STEAP1B: variants seen among roughly 807,000 people sequenced by gnomAD.
The protein encoded by STEAP1B is STEAP family protein MGC87042.
Under a neutral mutation model 27.9 loss-of-function variants are expected in STEAP1B, and 13 were observed. That is an observed-to-expected ratio of 0.47 (90% confidence interval 0.30 to 0.74). The LOEUF is 0.74. STEAP1B is among the 30% of genes least tolerant of loss of function. STEAP1B has a pLI of 0.06. For synonymous variants in STEAP1B, 86 were observed against 107.1 expected, an observed-to-expected ratio of 0.80 and a Z score of 1.22; for missense variants, 250 against 298.7, an observed-to-expected ratio of 0.84 and a Z score of 1.20.
chr7:22,468,967 T>C (rs1036993875), intron 4 of STEAP1B, among the ~76,000 whole-genome samples: 18 of 152,270 alleles, frequency 1.2e-4, no homozygotes, highest in Non-Finnish European at 2.2e-4. Context: ...TTTATTATCC[T>C]ATACTTTTTA....
intron 4 of STEAP1B, among the ~76,000 whole-genome samples, chr7:22,492,211 C>T (rs1411403920): frequency 6.7e-6 from 1 of 149,546 alleles, no homozygotes; most frequent in Non-Finnish European, 1.5e-5. Context: ...CCCAGCTACT[C>T]AGGAGGCTGA....
intron 1 of STEAP1B, among the ~76,000 whole-genome samples, chr7:22,496,003 T>C (rs1363423965): frequency 6.6e-5 from 10 of 151,854 alleles, no homozygotes; most frequent in Non-Finnish European, 1.5e-4. Flanking sequence ...CTTCAGGAGG[T>C]CTTCCAGAAG....
At chr7:22,499,143 G>C (rs73685812) in intron 1 of STEAP1B, among the ~76,000 whole-genome samples, 16,182 of 152,192 alleles carry the variant, frequency 0.11, 1,063 homozygotes, top group African/African-American at 0.17. Flanking sequence ...TCTTTCACCC[G>C]CTTTTAAAAA....
At chr7:22,423,215 TTAAAA>T (rs1785065209) in intron 4 of STEAP1B, among the ~76,000 whole-genome samples, 1 of 152,212 alleles carries the variant, frequency 6.6e-6, no homozygotes, top group Non-Finnish European at 1.5e-5. Context: ...TGGCTGTTTC[TTAAAA>T]CGTTAAGCAT....
At chr7:22,443,274 C>T (rs902108639) in intron 4 of STEAP1B, among the ~76,000 whole-genome samples, 3 of 152,200 alleles carry the variant, frequency 2.0e-5, no homozygotes, top group Non-Finnish European at 4.4e-5. Context: ...ATCCTAGTAT[C>T]ATGTTCTTTG....
At chr7:22,482,660 G>A (rs1786103211) in intron 4 of STEAP1B, among the ~76,000 whole-genome samples, 1 of 152,192 alleles carries the variant, frequency 6.6e-6, no homozygotes, top group South Asian at 2.1e-4. Flanking sequence ...GCTGTTCATG[G>A]GCAAAGGAAG....
chr7:22,450,599 G>GTTT (rs143262366), intron 4 of STEAP1B, among the ~76,000 whole-genome samples: 4 of 138,672 alleles, frequency 2.9e-5, no homozygotes, highest in African/African-American at 5.3e-5. Context: ...CTGTAGTTTT[G>GTTT]TTTTTTTTTT....
intron 4 of STEAP1B, among the ~76,000 whole-genome samples, chr7:22,430,914 T>G (rs1785179326): frequency 6.6e-6 from 1 of 152,246 alleles, no homozygotes; most frequent in Non-Finnish European, 1.5e-5. Context: ...TCAGCGTCTC[T>G]CTGCCATCAG....
chr7:22,486,258 G>T (rs904667347), intron 4 of STEAP1B, among the ~76,000 whole-genome samples: 1 of 152,168 alleles, frequency 6.6e-6, no homozygotes, highest in Non-Finnish European at 1.5e-5. Flanking sequence ...TCTAACAGCC[G>T]CTGAAGGAAA....
chr7:22,425,656 A>T (rs2686494), intron 4 of STEAP1B, among the ~76,000 whole-genome samples: 114,487 of 152,168 alleles, frequency 0.75, 43,655 homozygotes, highest in East Asian at 0.86. Flanking sequence ...AATAACTTTT[A>T]AAAAATCTTC....
chr7:22,477,781 G>A (rs765301880), intron 4 of STEAP1B, among the ~76,000 whole-genome samples: 9 of 151,958 alleles, frequency 5.9e-5, no homozygotes, highest in Non-Finnish European at 1.0e-4. Context: ...CATGCAAATA[G>A]GGAAAAGTTA....
chr7:22,439,959 T>C (rs1785307799), intron 4 of STEAP1B, among the ~76,000 whole-genome samples: 1 of 42,594 alleles, frequency 2.3e-5, no homozygotes, highest in East Asian at 1.3e-3. Flanking sequence ...ATCAGTAATC[T>C]GATTTTAGAA....
At chr7:22,427,469 G>T (rs898836285) in intron 4 of STEAP1B, among the ~76,000 whole-genome samples, 1 of 152,188 alleles carries the variant, frequency 6.6e-6, no homozygotes, top group Non-Finnish European at 1.5e-5. Flanking sequence ...GTTTCTCTGA[G>T]ATGGGAAAGG....
chr7:22,460,846 A>G (rs1288065559), intron 4 of STEAP1B, among the ~76,000 whole-genome samples: 1 of 152,214 alleles, frequency 6.6e-6, no homozygotes, highest in Admixed American at 6.5e-5. Flanking sequence ...TCAGCTCATT[A>G]TATACATATA....
intron 1 of STEAP1B, among the ~76,000 whole-genome samples, chr7:22,496,427 A>G (rs559395692): frequency 3.9e-5 from 6 of 152,206 alleles, no homozygotes; most frequent in Non-Finnish European, 8.8e-5. Context: ...AGTCTATAGT[A>G]GTGTACAGTA....
intron 4 of STEAP1B, among the ~76,000 whole-genome samples, chr7:22,460,445 T>C (rs1562574998): frequency 6.6e-6 from 1 of 151,278 alleles, no homozygotes; most frequent in Admixed American, 6.6e-5. Context: ...TTAGGTGAGG[T>C]TCAGCCTAGT....
intron 4 of STEAP1B, among the ~76,000 whole-genome samples, chr7:22,421,210 T>C (rs569442640): frequency 3.7e-4 from 56 of 152,286 alleles, no homozygotes; most frequent in Middle Eastern, 6.8e-3. Flanking sequence ...GACAGTAATA[T>C]GAGAGAACAT....
chr7:22,460,664 GCTA>G (rs1449351232), intron 4 of STEAP1B, among the ~76,000 whole-genome samples: 1 of 152,090 alleles, frequency 6.6e-6, no homozygotes, highest in Non-Finnish European at 1.5e-5. Context: ...AAAGGTCATT[GCTA>G]CACCAAGGCT....
chr7:22,431,292 GAAGCAGCTTTA>G (rs1157691487), intron 4 of STEAP1B, among the ~76,000 whole-genome samples: 1 of 152,146 alleles, frequency 6.6e-6, no homozygotes, highest in Non-Finnish European at 1.5e-5. Flanking sequence ...AAAATGGCTG[GAAGCAGCTTTA>G]GGGACTGCTT....
Sources: allele counts gnomAD v4.1 joint callset (sites outside exome capture counted in the v4.1 genomes callset), GRCh38; gene constraint gnomAD v4.1.1; transcripts MANE v1.5; gene names NCBI Gene and HGNC (gene_info 2026-07-23, HGNC 2026-07-21).